ANKFY1: variants seen among roughly 807,000 people sequenced by gnomAD.
The protein encoded by ANKFY1 is ankyrin repeat and FYVE domain containing 1.
A neutral mutation model predicts 128.3 loss-of-function variants in ANKFY1; 47 were observed. The ratio of observed to expected loss-of-function variants is 0.37; its 90% CI spans 0.29 to 0.47. The LOEUF (loss-of-function observed/expected upper bound fraction) is 0.47, where lower values mean the gene tolerates loss of function less well. Ranked by LOEUF, ANKFY1 falls within the 20% of genes least tolerant of loss-of-function variation. The pLI, the probability that ANKFY1 is intolerant of heterozygous loss-of-function variation, is 1.00. For missense variants in ANKFY1, 1,222 were observed against 1,510.6 expected (o/e 0.81, Z 3.17); for synonymous variants, 553 against 601.6 (o/e 0.92, Z 1.18).
chr17:4,182,731 C>T (rs1056352175), intron 14 of ANKFY1, among the ~76,000 whole-genome samples: 6 of 152,306 alleles, frequency 3.9e-5, no homozygotes, highest in African/African-American at 1.4e-4. Context: ...AAATTTGACT[C>T]CATGTCTTTT....
chr17:4,183,725 CTT>C, intron 13 of ANKFY1, 85 bp downstream of exon 13: 1 of 1,461,276 alleles, frequency 6.8e-7, no homozygotes, highest in Non-Finnish European at 9.5e-7. Flanking sequence ...CCAGTCTCCT[CTT>C]TCTTTCTCGC....
At chr17:4,185,956 G>C (rs775402987) in intron 11 of ANKFY1, among the ~76,000 whole-genome samples, 1 of 152,038 alleles carries the variant, frequency 6.6e-6, no homozygotes, top group African/African-American at 2.4e-5. Context: ...CTTGAGCTCT[G>C]ATCAAGACCT....
intron 2 of ANKFY1, among the ~76,000 whole-genome samples, chr17:4,240,449 T>C (rs1352828874): frequency 1.3e-5 from 2 of 151,718 alleles, no homozygotes; most frequent in Non-Finnish European, 2.9e-5. Context: ...TGGAGTGCAG[T>C]GGCACAATCT....
intron 16 of ANKFY1, 176 bp from the exon 17 acceptor site, chr17:4,180,053 T>A (rs1193875684): frequency 2.1e-5 from 16 of 765,894 alleles, no homozygotes; most frequent in African/African-American, 3.5e-5. Flanking sequence ...TCCCATAGAT[T>A]CTTCTGTGAC....
chr17:4,176,232 A>G (rs1360262084), intron 19 of ANKFY1, among the ~76,000 whole-genome samples: 1 of 152,028 alleles, frequency 6.6e-6, no homozygotes, highest in Non-Finnish European at 1.5e-5. Context: ...CTCAAACACA[A>G]TCAGGTCACA....
chr17:4,250,525 A>C (rs1481231206), intron 1 of ANKFY1, among the ~76,000 whole-genome samples: 1 of 152,188 alleles, frequency 6.6e-6, no homozygotes, highest in Admixed American at 6.6e-5. Context: ...ATAAACAGAG[A>C]GTTATATACT....
intron 11 of ANKFY1, among the ~76,000 whole-genome samples, chr17:4,186,142 G>A (rs2059607208): frequency 6.6e-6 from 1 of 152,124 alleles, no homozygotes; most frequent in African/African-American, 2.4e-5. Context: ...CATGCATGTG[G>A]GCGTGTCCAC....
chr17:4,207,851 G>T, intron 6 of ANKFY1, 82 bp downstream of exon 6: 1 of 1,384,158 alleles, frequency 7.2e-7, no homozygotes, highest in Non-Finnish European at 9.7e-7. Flanking sequence ...TCATGGCTCG[G>T]AAGGAAGTGA....
chr17:4,170,715 C>A lies in ANKFY1; in HGVS notation c.3286G>T (p.Asp1096Tyr). Residue 1096 changes from aspartate to tyrosine, a missense_variant and splice_region_variant, in exon 23 of 25, where the codon GAT (aspartate) becomes TAT (tyrosine). Asp to Tyr is a radical substitution (Grantham distance 160, BLOSUM62 -3). Coordinates refer to ENST00000341657, the MANE Select transcript of ANKFY1 (RefSeq NM_001330063.2). ...TGAGAGCAGAGAGCGGGCCACTCAC[C>A]CAGCAGTCGGAACAGGAGCTGCTTG... ...ATKQLLFRLL[D>Y]MLSKEPPWCD... 1 of 1,607,476 alleles carries A rather than the reference C, an allele frequency of 6.2e-7. No homozygotes were observed. The highest frequency in any genetic ancestry group is 8.5e-7 in the Non-Finnish European group (1 of 1,176,400).
In ANKFY1 at chr17:4,218,994, G is replaced by A. The variant is rs925464355; in HGVS notation, c.323-1876C>T. Among the ~76,000 whole-genome samples the A allele has an allele frequency of 5.9e-5, 9 of 152,080 alleles. No homozygotes were observed. In the East Asian group the frequency reaches 1.7e-3, roughly 29 times the overall value. ...CACTACACACTACACACATAGAGAGGCAGACACACATTTTTCTGTGTCTGT... is the reference window on the plus strand; with the variant it reads ...CACTACACACTACACACATAGAGAGACAGACACACATTTTTCTGTGTCTGT... On this transcript the variant is annotated intron_variant, in intron 3 of 24. Coordinates refer to ENST00000341657, the MANE Select transcript of ANKFY1 (RefSeq NM_001330063.2).
intron 7 of ANKFY1, 97 bp from the exon 8 acceptor site, chr17:4,197,674 G>A (rs2059851198): frequency 2.7e-6 from 3 of 1,128,158 alleles, no homozygotes; most frequent in Admixed American, 2.0e-5. Context: ...ACAAAGGAGA[G>A]CGATAACTAG....
rs769744374 is a variant in ANKFY1, at chr17:4,206,490, C to T, written c.733-4G>A. On this transcript the variant is annotated splice_polypyrimidine_tract_variant and splice_region_variant and intron_variant, in intron 6 of 24. Coordinates refer to ENST00000341657, the MANE Select transcript of ANKFY1 (RefSeq NM_001330063.2). ...CTTCATTCAGCTTCCCAGGGAGCTACACAAACAAGTTTGTAAATTAGCGCC... is the reference window on the plus strand; with the variant it reads ...CTTCATTCAGCTTCCCAGGGAGCTATACAAACAAGTTTGTAAATTAGCGCC... 1.2e-6 allele frequency: 2 copies of T among 1,606,546 alleles called. No individual in the cohort carries two copies. The highest frequency in any genetic ancestry group is 2.2e-5 in the East Asian group (1 of 44,602).
At chr17:4,233,599 G>A (rs914292257) in intron 3 of ANKFY1, among the ~76,000 whole-genome samples, 2 of 152,158 alleles carry the variant, frequency 1.3e-5, no homozygotes, top group Admixed American at 6.5e-5. Flanking sequence ...ACTGATATAT[G>A]TTCCCCTTAA....
intron 22 of ANKFY1, 85 bp from the exon 23 acceptor site, chr17:4,170,946 C>A (rs2059307492): frequency 1.3e-6 from 2 of 1,587,162 alleles, no homozygotes; most frequent in Admixed American, 1.7e-5. Flanking sequence ...CAGCCAAGGG[C>A]AGAACAGACC....
intron 3 of ANKFY1, among the ~76,000 whole-genome samples, chr17:4,221,085 T>C (rs2060303426): frequency 6.6e-6 from 1 of 152,266 alleles, no homozygotes; most frequent in South Asian, 2.1e-4. Flanking sequence ...GGATTTTCTA[T>C]GTGGCCTAGT....
At chr17:4,233,929 T>C (rs1036958921) in intron 3 of ANKFY1, among the ~76,000 whole-genome samples, 2 of 152,254 alleles carry the variant, frequency 1.3e-5, no homozygotes, top group African/African-American at 2.4e-5. Context: ...AGTCCAGTCA[T>C]AAGCAGCATA....
At chr17:4,263,844 G>A (rs1968560518) in intron 1 of ANKFY1, 88 bp downstream of exon 1, 1 of 1,611,682 alleles carries the variant, frequency 6.2e-7, no homozygotes, top group Non-Finnish European at 8.5e-7. Flanking sequence ...AACCACGCCC[G>A]GCCTTCCCCT....
At chr17:4,190,875 T>TG (rs1356806369) in intron 10 of ANKFY1, among the ~76,000 whole-genome samples, 2 of 152,224 alleles carry the variant, frequency 1.3e-5, no homozygotes, top group East Asian at 3.9e-4. Flanking sequence ...GGTGGCTCAT[T>TG]GCCTGTCATC....
At chr17:4,192,709 C>A (rs1313166374) in intron 10 of ANKFY1, among the ~76,000 whole-genome samples, 66 of 152,104 alleles carry the variant, frequency 4.3e-4, no homozygotes, top group Non-Finnish European at 1.3e-4. Context: ...CCCAATAGAA[C>A]AAAGATAACC....
Sources: allele counts gnomAD v4.1 joint callset (sites outside exome capture counted in the v4.1 genomes callset), GRCh38; gene constraint gnomAD v4.1.1; transcripts MANE v1.5; gene names NCBI Gene and HGNC (gene_info 2026-07-23, HGNC 2026-07-21).